MXD4: variants seen among roughly 807,000 people sequenced by gnomAD.
MXD4 encodes MAX dimerization protein 4.
MXD4 carries 16 observed loss-of-function variants against 24.5 expected under a neutral mutation model. The ratio of observed to expected loss-of-function variants is 0.65; its 90% confidence interval spans 0.44 to 0.99. The LOEUF is 0.99. MXD4 is among the 50% of genes least tolerant of loss of function. The pLI is 0.00. For missense variants in MXD4, 301 were observed against 301.5 expected (o/e 1.00, Z 0.01); for synonymous variants, 164 against 134.2 (o/e 1.22, Z -1.54).
At chr4:2,252,588 CCTG>C in intron 3 of MXD4, 66 bp from the exon 4 acceptor site, 1 of 1,040,192 alleles carries the variant, frequency 9.6e-7, no homozygotes, top group Admixed American at 2.0e-5. Context: ...TTTCCAGGGC[CCTG>C]CACAGACCCA....
chr4:2,260,295 C>A (rs1260684272), intron 2 of MXD4, among the ~76,000 whole-genome samples: 1 of 152,244 alleles, frequency 6.6e-6, no homozygotes, highest in Non-Finnish European at 1.5e-5. Flanking sequence ...GGGTGAGTGG[C>A]AGGCAAGTAA....
chr4:2,261,927 G>T lies in MXD4; in HGVS notation c.54C>A (p.Arg18=). ...GGGTGCGAGCGCTACCTCGATCCCT[G>T]CGCTCCAGGTACTCGGCCGCCTCCA... ...ILLEAAEYLE[R]RDREAEHGYA... is the part of the protein sequence containing the mutation. Residue 18 remains arginine, a synonymous_variant, in exon 1 of 6, where the codon CGC becomes CGA. Transcript: ENST00000337190. 1.4e-6 allele frequency: 2 copies of T among 1,464,152 alleles called. No homozygotes were observed. The highest frequency in any genetic ancestry group is 1.8e-6 in the Non-Finnish European group (2 of 1,106,730). 90.7% of individuals were successfully genotyped at this position (1,464,152 alleles called of 1,614,324 possible).
rs1232574647 is a variant in MXD4, at chr4:2,261,906, G to A, written c.64+11C>T. 3 of 1,453,278 alleles carry A rather than the reference G, an allele frequency of 2.1e-6. No individual in the cohort carries two copies. The highest frequency in any genetic ancestry group is 2.7e-6 in the Non-Finnish European group (3 of 1,102,362). The allele number at this position is 1,453,278 out of a possible 1,614,324, so 90.0% of individuals were successfully genotyped here. The stretch of plus-strand genomic sequence containing the variant: ...CACCGCCGCGGGCGCACAATGGGGT[G>A]CGAGCGCTACCTCGATCCCTGCGCT... On this transcript the variant is annotated intron_variant, in intron 1 of 5. Coordinates refer to ENST00000337190, the MANE Select transcript of MXD4 (RefSeq NM_006454.3).
At position 2,257,976 on chromosome 4, in the gene MXD4, A is replaced by G. The variant is rs764143961; in HGVS notation, c.194+6T>C. 3.1e-6 allele frequency: 5 copies of G among 1,613,712 alleles called. No individual in the cohort carries two copies. The Admixed American group carries it at 8.3e-5, about 27-fold the overall frequency. ...GGCTCATGTGGGGAACTGGGGGGTC[A>G]CTTACCTGTGCTTTTCTAGCTCGTT... On this transcript the variant is annotated splice_donor_region_variant and intron_variant, in intron 3 of 5. Coordinates refer to ENST00000337190, the MANE Select transcript of MXD4 (RefSeq NM_006454.3).
chr4:2,259,354 C>T (rs1366666844), intron 2 of MXD4, among the ~76,000 whole-genome samples: 1 of 151,408 alleles, frequency 6.6e-6, no homozygotes, highest in Non-Finnish European at 1.5e-5. Flanking sequence ...AAGGAGCCTC[C>T]GAATCACTGC....
chr4:2,250,705 G>A lies in MXD4; in HGVS notation c.473-4C>T. On this transcript the variant is annotated splice_region_variant and splice_polypyrimidine_tract_variant and intron_variant, in intron 5 of 5. Coordinates refer to ENST00000337190, the MANE Select transcript of MXD4 (RefSeq NM_006454.3). ...TCCATGCCCTCTATGTCCACTTCTAGGGAGAATAGAGTGGGGATGGGGTCA... is the reference window on the plus strand; with the variant it reads ...TCCATGCCCTCTATGTCCACTTCTAAGGAGAATAGAGTGGGGATGGGGTCA... The A allele has an allele frequency of 1.2e-6, 2 of 1,612,756 alleles. No homozygotes were observed. Among genetic ancestry groups the A allele is most frequent in the Non-Finnish European group, 1.7e-6 (2 of 1,179,400 alleles).
rs1281661114 is a variant in MXD4, at chr4:2,261,790, G to C, written c.99C>G (p.Phe33Leu). 7.0e-7 allele frequency: 1 copy of C among 1,429,756 alleles called. No homozygotes were observed. The allele number at this position is 1,429,756 out of a possible 1,614,324, so 88.6% of individuals were successfully genotyped here. A position where few individuals can be genotyped will look rare whatever the true frequency, so the allele number is the denominator to read the frequency against. The change falls in exon 2 of 6, where the codon TTC becomes TTG. Residue 33 changes from phenylalanine to leucine, a missense_variant. Transcript: ENST00000337190. ...AEHGYASVLP[F>L]DGDFAREKTK... ...TTTTCTCCCTGGCGAAGTCGCCGTC[G>C]AAGGGCAGCACCGAGGCGTAGCCGT...
At position 2,262,005 on chromosome 4, in the gene MXD4, C is replaced by T. The variant is rs749399959; in HGVS notation, c.-25G>A. 4 of 1,228,764 alleles carry T rather than the reference C, an allele frequency of 3.3e-6. No individual in the cohort carries two copies. The highest frequency in any genetic ancestry group is 3.9e-5 in the East Asian group (1 of 25,720). 76.1% of individuals were successfully genotyped at this position (1,228,764 alleles called of 1,614,324 possible). A position where few individuals can be genotyped will look rare whatever the true frequency, so the allele number is the denominator to read the frequency against. On this transcript the variant is annotated 5_prime_UTR_variant, in exon 1 of 6. Transcript: ENST00000337190. ...TCCTCCCGCCCGCGCCCGTCCGCCC[C>T]GGGACGGCGGCGGCCGCTGCCCGGC...
rs936949140 is a variant in MXD4, at chr4:2,249,230, G to A, written c.*1314C>T. On this transcript the variant is annotated 3_prime_UTR_variant, in exon 6 of 6. Coordinates refer to ENST00000337190, the MANE Select transcript of MXD4 (RefSeq NM_006454.3). ...CACCCTGAGCCACGAGGGACATGCT[G>A]GTGGGAAGGGCAAGGCCTGACACAA... The A allele has an allele frequency of 2.6e-5, 4 of 152,698 alleles. No individual in the cohort carries two copies. Among genetic ancestry groups the A allele is most frequent in the African/African-American group, 9.6e-5 (4 of 41,470 alleles). 9.5% of individuals were successfully genotyped at this position (152,698 alleles called of 1,614,324 possible).
intron 2 of MXD4, among the ~76,000 whole-genome samples, chr4:2,261,473 G>GCTGTACGCGTGGCA (rs1242596865): frequency 6.6e-6 from 1 of 151,836 alleles, no homozygotes; most frequent in Non-Finnish European, 1.5e-5. Context: ...GGCGGCGGGC[G>GCTGTACGCGTGGCA]CTGTACGCGT....
rs1424851426 is a variant in MXD4, at chr4:2,261,717, G to A, written c.164+8C>T. ...GGGCCGGGCGGGGTCGGGAGCGGGG[G>A]GCGGTACCTGTTGTTCGGGGCCTTG... On this transcript the variant is annotated splice_region_variant and intron_variant, in intron 2 of 5. Coordinates refer to ENST00000337190, the MANE Select transcript of MXD4 (RefSeq NM_006454.3). 2.9e-6 allele frequency: 4 copies of A among 1,367,118 alleles called. No homozygotes were observed. The highest frequency in any genetic ancestry group is 1.5e-5 in the African/African-American group (1 of 65,818). The allele number at this position is 1,367,118 out of a possible 1,614,324, so 84.7% of individuals were successfully genotyped here. A position where few individuals can be genotyped will look rare whatever the true frequency, so the allele number is the denominator to read the frequency against.
Position 2,261,786 on chromosome 4 carries a change from C to A in MXD4, c.103G>T (p.Gly35Cys), listed in dbSNP as rs773150935. The A allele has an allele frequency of 4.9e-6, 7 of 1,429,616 alleles. No individual in the cohort carries two copies. In the East Asian group the frequency reaches 1.3e-4, roughly 26 times the overall value. The allele number at this position is 1,429,616 out of a possible 1,614,324, so 88.6% of individuals were successfully genotyped here. ...TTTGTTTTCTCCCTGGCGAAGTCGC[C>A]GTCGAAGGGCAGCACCGAGGCGTAG... ...HGYASVLPFD[G>C]DFAREKTKAA... Residue 35 changes from glycine to cysteine, a missense_variant, in exon 2 of 6, where the codon GGC becomes TGC. By Grantham distance (159) the Gly-to-Cys change is radical. Coordinates refer to ENST00000337190, the MANE Select transcript of MXD4 (RefSeq NM_006454.3).
In MXD4 at chr4:2,250,673, G is replaced by A. The variant is rs927436430; in HGVS notation, c.501C>T (p.Gly167=). The A allele has an allele frequency of 1.9e-6, 3 of 1,613,710 alleles. No homozygotes were observed. Among genetic ancestry groups the A allele is most frequent in the East Asian group, 4.5e-5 (2 of 44,882 alleles). The stretch of plus-strand genomic sequence containing the variant: ...TGCCAACACTGTCCAGCTCACCAGG[G>A]CCAAACTCCATGCCCTCTATGTCCA... The part of the protein sequence containing the change: ...QEVDIEGMEF[G]PGELDSVGSS... Residue 167 remains glycine, a synonymous_variant, in exon 6 of 6, where the codon GGC becomes GGT. Transcript: ENST00000337190.
chr4:2,250,384 G>A lies in MXD4; in HGVS notation c.*160C>T. ...AGGGGCAGGCAGCTCGGCAGGCCCT[G>A]ACCGGCAAGCGGGCAGTGCCAGGCA... On this transcript the variant is annotated 3_prime_UTR_variant, in exon 6 of 6. Transcript: ENST00000337190. 1 of 1,017,422 alleles carries A rather than the reference G, an allele frequency of 9.8e-7. No homozygotes were observed. Among genetic ancestry groups the A allele is most frequent in the Non-Finnish European group, 1.4e-6 (1 of 721,404 alleles). The allele number at this position is 1,017,422 out of a possible 1,614,324, so 63.0% of individuals were successfully genotyped here. A position where few individuals can be genotyped will look rare whatever the true frequency, so the allele number is the denominator to read the frequency against.
At position 2,250,637 on chromosome 4, in the gene MXD4, G is replaced by A. The variant is rs561839567; in HGVS notation, c.537C>T (p.Asp179=). 27 of 1,613,630 alleles carry A rather than the reference G, an allele frequency of 1.7e-5. No individual in the cohort carries two copies. Among genetic ancestry groups the A allele is most frequent in the Admixed American group, 6.7e-5 (4 of 60,018 alleles). ...TCTGCAGGCTGTAGTGGTCGTCCGC[G>A]TCACTGCTGCTGCCAACACTGTCCA... The part of the protein sequence containing the change: ...GELDSVGSSS[D]ADDHYSLQSG... Residue 179 remains aspartate (D), a synonymous_variant, in exon 6 of 6, where the codon GAC becomes GAT. Coordinates refer to ENST00000337190, the MANE Select transcript of MXD4 (RefSeq NM_006454.3).
rs1735293566 is a variant in MXD4, at chr4:2,250,448, T to C, written c.*96A>G. The C allele has an allele frequency of 4.4e-6, 6 of 1,378,808 alleles. No individual in the cohort carries two copies. The highest frequency in any genetic ancestry group is 1.5e-5 in the African/African-American group (1 of 68,802). The allele number at this position is 1,378,808 out of a possible 1,614,324, so 85.4% of individuals were successfully genotyped here. A position where few individuals can be genotyped will look rare whatever the true frequency, so the allele number is the denominator to read the frequency against. ...TGGAGCTTCCAGAATGGCACAGCAG[T>C]GGGCCTGTGGAGAGGCTGGCGTCAA... On this transcript the variant is annotated 3_prime_UTR_variant, in exon 6 of 6. Coordinates refer to ENST00000337190, the MANE Select transcript of MXD4 (RefSeq NM_006454.3).
intron 2 of MXD4, among the ~76,000 whole-genome samples, chr4:2,258,259 C>T (rs530496105): frequency 1.2e-4 from 18 of 152,294 alleles, no homozygotes; most frequent in South Asian, 2.1e-4. Flanking sequence ...CCGCAGCTCA[C>T]GCCCTGGAGT....
At chr4:2,256,643 T>TG (rs2108790448) in intron 3 of MXD4, among the ~76,000 whole-genome samples, 1 of 152,260 alleles carries the variant, frequency 6.6e-6, no homozygotes, top group Non-Finnish European at 1.5e-5. Flanking sequence ...AGAGACACCC[T>TG]GGCTGCCCAC....
rs1031872927 is a variant in MXD4, at chr4:2,249,839, T to C, written c.*705A>G. On this transcript the variant is annotated 3_prime_UTR_variant, in exon 6 of 6. Transcript: ENST00000337190. ...CTCGGGACGCCCAGGTGTGTCTGCA[T>C]GTGTGAGCATGTACATGAGTGGGTG... 1 of 152,702 alleles carries C rather than the reference T, an allele frequency of 6.5e-6. No homozygotes were observed. Among genetic ancestry groups the C allele is most frequent in the Non-Finnish European group, 1.5e-5 (1 of 68,326 alleles). 9.5% of individuals were successfully genotyped at this position (152,702 alleles called of 1,614,324 possible). A position where few individuals can be genotyped will look rare whatever the true frequency, so the allele number is the denominator to read the frequency against.
Sources: gnomAD v4.1 joint callset for allele counts (sites outside exome capture counted in the v4.1 genomes callset) on GRCh38, gnomAD v4.1.1 for gene constraint, MANE v1.5 for transcripts, NCBI Gene and HGNC (gene_info 2026-07-23, HGNC 2026-07-21) for gene names.